Variants in UBE2H observed in about 807,000 individuals in gnomAD.
The protein encoded by UBE2H is ubiquitin-conjugating enzyme E2 H.
In UBE2H, 3 loss-of-function variants were observed where a neutral mutation model predicts 29.0. The ratio of observed to expected loss-of-function variants is 0.10; its 90% CI spans 0.05 to 0.27. UBE2H has a LOEUF of 0.27. Among genes scored for constraint, UBE2H ranks in the 10% least tolerant of loss-of-function variants. The pLI, the probability that UBE2H is intolerant of heterozygous loss-of-function variation, is 1.00. For synonymous variants in UBE2H, 69 were observed against 82.9 expected (o/e 0.83, Z 0.91); for missense variants, 68 against 228.2 (o/e 0.30, Z 4.52).
In UBE2H at chr7:129,948,984, CCCT is replaced by C. The variant is rs1807820135; in HGVS notation, c.53+3516_53+3518del. 8.8e-6 allele frequency: 4 copies of C among 456,926 alleles called. No homozygotes were observed. In the Middle Eastern group the frequency reaches 1.3e-3, roughly 148 times the overall value. The allele number at this position is 456,926 out of a possible 1,614,324, so 28.3% of individuals were successfully genotyped here. On this transcript the variant is annotated intron_variant, in intron 1 of 6. Coordinates refer to ENST00000355621, the MANE Select transcript of UBE2H (RefSeq NM_003344.4). ...TCCATCAGCTGTTTGGTAGCTCCTC[CCCT>C]CCTCCTTTTCCGGGTAGTAACAGGG...
intron 1 of UBE2H, among the ~76,000 whole-genome samples, chr7:129,948,402 C>T (rs1269920233): frequency 6.6e-6 from 1 of 152,178 alleles, no homozygotes; most frequent in Non-Finnish European, 1.5e-5. Context: ...TTAACTCAGG[C>T]CGTTTTAATG....
chr7:129,839,508 T>A, intron 5 of UBE2H, 173 bp from the exon 6 acceptor site: 1 of 734,592 alleles, frequency 1.4e-6, no homozygotes, highest in Non-Finnish European at 2.1e-6. Flanking sequence ...AATACCAATT[T>A]AAACATTTTA....
At chr7:129,903,082 A>C (rs1806749890) in intron 1 of UBE2H, among the ~76,000 whole-genome samples, 1 of 152,214 alleles carries the variant, frequency 6.6e-6, no homozygotes, top group East Asian at 1.9e-4. Context: ...TATGCAACCT[A>C]GTGCAGCCAA....
intron 1 of UBE2H, among the ~76,000 whole-genome samples, chr7:129,947,531 A>G (rs964722775): frequency 6.6e-6 from 1 of 152,224 alleles, no homozygotes; most frequent in Non-Finnish European, 1.5e-5. Context: ...GATTAACAGC[A>G]AAATACCAAA....
In UBE2H at chr7:129,948,833, C is replaced by CT. The variant is rs377436564; in HGVS notation, c.53+3669dup. ...AATTTTTCTAAACATTTCTTGTACT[C>CT]TAACAGGTCAGGTTTTCCTCTTCTC... On this transcript the variant is annotated intron_variant, in intron 1 of 6. Transcript: ENST00000355621. 1.0e-3 allele frequency: 295 copies of CT among 286,008 alleles called. 1 individual carries two copies. The highest frequency in any genetic ancestry group is 6.1e-3 in the African/African-American group (279 of 45,538). 17.7% of individuals were successfully genotyped at this position (286,008 alleles called of 1,614,324 possible). A position where few individuals can be genotyped will look rare whatever the true frequency, so the allele number is the denominator to read the frequency against.
At chr7:129,924,030 T>C (rs1051689963) in intron 1 of UBE2H, among the ~76,000 whole-genome samples, 2 of 152,158 alleles carry the variant, frequency 1.3e-5, no homozygotes, top group South Asian at 2.1e-4. Context: ...AACAAAGCAT[T>C]TGAATTATTA....
chr7:129,849,011 TTAA>T (rs1805561286), intron 5 of UBE2H, among the ~76,000 whole-genome samples: 1 of 152,118 alleles, frequency 6.6e-6, no homozygotes, highest in African/African-American at 2.4e-5. Flanking sequence ...AGCAGCAATA[TTAA>T]TAATGGTTGA....
chr7:129,894,109 C>T (rs1806553655), intron 1 of UBE2H, among the ~76,000 whole-genome samples: 1 of 152,176 alleles, frequency 6.6e-6, no homozygotes, highest in Admixed American at 6.5e-5. Flanking sequence ...GAGCTGAGAT[C>T]GTGCCACTGC....
chr7:129,949,752 AC>A (rs963251370), intron 1 of UBE2H, among the ~76,000 whole-genome samples: 2 of 151,660 alleles, frequency 1.3e-5, no homozygotes, highest in African/African-American at 4.8e-5. Flanking sequence ...TTCTCTCCCT[AC>A]CCCCACACTG....
chr7:129,914,010 A>G (rs1290273205), intron 1 of UBE2H, among the ~76,000 whole-genome samples: 2 of 152,134 alleles, frequency 1.3e-5, no homozygotes, highest in African/African-American at 4.8e-5. Flanking sequence ...TTGGAACTCA[A>G]TGCATATCTT....
At chr7:129,839,113 T>G in intron 6 of UBE2H, 94 bp downstream of exon 6, 1 of 1,530,854 alleles carries the variant, frequency 6.5e-7, no homozygotes, top group Non-Finnish European at 8.8e-7. Flanking sequence ...AGAAAAAGTA[T>G]TAGGAACTAA....
At chr7:129,923,016 C>T (rs1261336606) in intron 1 of UBE2H, among the ~76,000 whole-genome samples, 1 of 152,060 alleles carries the variant, frequency 6.6e-6, no homozygotes. Flanking sequence ...ATTCTCCTGC[C>T]TCAGCCTCAG....
intron 3 of UBE2H, among the ~76,000 whole-genome samples, chr7:129,873,109 C>T (rs569202680): frequency 7.9e-5 from 12 of 151,350 alleles, no homozygotes; most frequent in Admixed American, 2.0e-4. Flanking sequence ...AGCTCCGCCT[C>T]CCGGGTTCAC....
At chr7:129,871,275 T>C (rs1312313750) in intron 3 of UBE2H, among the ~76,000 whole-genome samples, 2 of 152,214 alleles carry the variant, frequency 1.3e-5, no homozygotes, top group Admixed American at 6.5e-5. Context: ...CTGCCAGACA[T>C]AATTTTTGAA....
chr7:129,887,622 T>C (rs1383557417), intron 1 of UBE2H, among the ~76,000 whole-genome samples: 1 of 152,000 alleles, frequency 6.6e-6, no homozygotes, highest in African/African-American at 2.4e-5. Context: ...AGACAAAAAA[T>C]AGCAAGTGAT....
intron 1 of UBE2H, among the ~76,000 whole-genome samples, chr7:129,917,709 G>A (rs2116462000): frequency 6.6e-6 from 1 of 152,244 alleles, no homozygotes. Flanking sequence ...ATATCAAGGA[G>A]CTAGGAAACA....
At chr7:129,884,415 T>TA (rs1563033622) in intron 1 of UBE2H, among the ~76,000 whole-genome samples, 65 of 126,038 alleles carry the variant, frequency 5.2e-4, no homozygotes, top group South Asian at 2.0e-3. Flanking sequence ...AGACTCCATC[T>TA]CAAAAAAAAA....
At chr7:129,901,889 C>T (rs1806723750) in intron 1 of UBE2H, among the ~76,000 whole-genome samples, 1 of 152,082 alleles carries the variant, frequency 6.6e-6, no homozygotes, top group African/African-American at 2.4e-5. Context: ...GCCACTGCAC[C>T]CGGCTGATGA....
chr7:129,923,397 C>T (rs1807205176), intron 1 of UBE2H, among the ~76,000 whole-genome samples: 1 of 152,144 alleles, frequency 6.6e-6, no homozygotes, highest in Admixed American at 6.6e-5. Context: ...ATATTACTAC[C>T]AACCCAGAGT....
Sources: allele counts gnomAD v4.1 joint callset (sites outside exome capture counted in the v4.1 genomes callset), GRCh38; gene constraint gnomAD v4.1.1; transcripts MANE v1.5; gene names NCBI Gene and HGNC (gene_info 2026-07-23, HGNC 2026-07-21).